Variants in TTLL11 observed in about 807,000 individuals in gnomAD.
TTLL11 encodes the protein tubulin polyglutamylase TTLL11.
TTLL11 carries 42 observed loss-of-function variants against 51.7 expected under a neutral mutation model. The ratio of observed to expected loss-of-function variants is 0.81; its 90% CI spans 0.64 to 1.05. The LOEUF (loss-of-function observed/expected upper bound fraction) is 1.05. Ranked by LOEUF, TTLL11 falls within the 50% of genes least tolerant of loss-of-function variation. The probability of loss-of-function intolerance (pLI) is 0.00; values close to 1 mark genes in which losing one functional copy is unlikely to be tolerated. For missense variants in TTLL11, 799 were observed against 940.4 expected (o/e 0.85, Z 1.97); for synonymous variants, 381 against 383.5 (o/e 0.99, Z 0.08).
intron 8 of TTLL11, among the ~76,000 whole-genome samples, chr9:121,834,114 G>T (rs2119129698): frequency 6.6e-6 from 1 of 152,266 alleles, no homozygotes; most frequent in South Asian, 2.1e-4. Flanking sequence ...TAGTGAAATG[G>T]CCCCCAGAAG....
rs114924272 is a variant in TTLL11, at chr9:121,924,795, G to A, written c.1481+49214C>T. ...TTTTTTTTTAACCTGAGCAAAAATC[G>A]TCAAGCCCAGCTACTTTTATCATCT... is the stretch of plus-strand genomic sequence containing the variant. On this transcript the variant is annotated intron_variant, in intron 6 of 8. Transcript: ENST00000321582. 6.8e-3 allele frequency among the ~76,000 whole-genome samples: 1,001 copies of A among 147,572 alleles called. 13 individuals carry two copies. The highest frequency in any genetic ancestry group is 0.024 in the African/African-American group (953 of 39,914).
At chr9:121,947,923 C>T (rs1287291222) in intron 6 of TTLL11, among the ~76,000 whole-genome samples, 2 of 152,220 alleles carry the variant, frequency 1.3e-5, no homozygotes, top group Admixed American at 1.3e-4. Context: ...CCTGGTTATG[C>T]TGGTGCCGTG....
chr9:121,997,040 TCTG>T lies in TTLL11; in HGVS notation c.694-7273_694-7271del, dbSNP rs569135591. On this transcript the variant is annotated intron_variant, in intron 3 of 8. Coordinates refer to ENST00000321582, the MANE Select transcript of TTLL11 (RefSeq NM_001139442.2). Reference sequence around the variant, plus strand: ...ACGGCTGCTCAAGGCAGCTGGTGCTTCTGCTCAGAAAACTTGAGGGGCAAGGAA... The same window carrying T: ...ACGGCTGCTCAAGGCAGCTGGTGCTTCTCAGAAAACTTGAGGGGCAAGGAA... Among the ~76,000 whole-genome samples the T allele has an allele frequency of 7.8e-4, 119 of 152,262 alleles. 1 individual carries two copies. The highest frequency in any genetic ancestry group is 1.6e-3 in the Non-Finnish European group (109 of 68,024).
rs115006221 is a variant in TTLL11, at chr9:121,863,739, C to T, written c.1734-3296G>A. Among the ~76,000 whole-genome samples, 292 of 152,320 alleles carry T rather than the reference C, an allele frequency of 1.9e-3. 3 individuals are homozygous for T. The highest frequency in any genetic ancestry group is 6.8e-3 in the African/African-American group (281 of 41,576). ...GTATGCTAGGGCTTTTCTTGCTCATCAGCTCTCTGGATTTTAACCATTCCT... is the reference window on the plus strand; with the variant it reads ...GTATGCTAGGGCTTTTCTTGCTCATTAGCTCTCTGGATTTTAACCATTCCT... On this transcript the variant is annotated intron_variant, in intron 7 of 8. Transcript: ENST00000321582.
intron 8 of TTLL11, among the ~76,000 whole-genome samples, chr9:121,841,585 G>C (rs1399130623): frequency 6.6e-6 from 1 of 152,170 alleles, no homozygotes; most frequent in African/African-American, 2.4e-5. Flanking sequence ...CCTTTCTCTA[G>C]AGGCTGCTTG....
chr9:121,860,722 C>T (rs868083256), intron 7 of TTLL11, among the ~76,000 whole-genome samples: 19 of 152,172 alleles, frequency 1.2e-4, no homozygotes, highest in South Asian at 6.2e-4. Flanking sequence ...AGAAGGCAGC[C>T]GTCTGCAAAC....
intron 2 of TTLL11, 62 bp from the exon 3 acceptor site, chr9:122,031,918 T>G (rs533897465): frequency 3.7e-4 from 579 of 1,556,354 alleles, no homozygotes; most frequent in South Asian, 4.5e-4. Flanking sequence ...AAAACAGCCA[T>G]TATTTGGGAC....
At chr9:121,886,496 C>T (rs557888815) in intron 6 of TTLL11, among the ~76,000 whole-genome samples, 11 of 152,128 alleles carry the variant, frequency 7.2e-5, no homozygotes, top group Non-Finnish European at 1.3e-4. Context: ...TGTTACCTGG[C>T]CAAGAGCTAC....
At chr9:122,075,784 A>G (rs762569791) in intron 1 of TTLL11, among the ~76,000 whole-genome samples, 4 of 152,234 alleles carry the variant, frequency 2.6e-5, no homozygotes, top group Non-Finnish European at 5.9e-5. Context: ...TATCATGGAA[A>G]GTAAACCCTT....
intron 1 of TTLL11, among the ~76,000 whole-genome samples, chr9:122,089,636 T>C (rs1029516393): frequency 3.9e-5 from 6 of 152,208 alleles, no homozygotes; most frequent in Admixed American, 6.5e-5. Flanking sequence ...TTGATGAATA[T>C]TTATTGAGCA....
At chr9:121,873,038 CCTTAAATTA>C (rs1365327298) in intron 6 of TTLL11, among the ~76,000 whole-genome samples, 1 of 152,104 alleles carries the variant, frequency 6.6e-6, no homozygotes, top group Non-Finnish European at 1.5e-5. Flanking sequence ...GGAAATTAGC[CCTTAAATTA>C]CTGGGTAAGT....
chr9:121,918,357 C>T (rs777472185), intron 6 of TTLL11, among the ~76,000 whole-genome samples: 2 of 152,140 alleles, frequency 1.3e-5, no homozygotes, highest in African/African-American at 2.4e-5. Flanking sequence ...GATTTCGATG[C>T]CACTGGAACA....
intron 1 of TTLL11, among the ~76,000 whole-genome samples, chr9:122,051,454 A>G (rs1343922912): frequency 2.0e-5 from 3 of 152,192 alleles, no homozygotes; most frequent in African/African-American, 4.8e-5. Flanking sequence ...TTTGAAACCC[A>G]GTCATACCAC....
At chr9:122,005,838 G>A (rs1271981028) in intron 3 of TTLL11, among the ~76,000 whole-genome samples, 3 of 152,276 alleles carry the variant, frequency 2.0e-5, no homozygotes, top group African/African-American at 4.8e-5. Context: ...GTTTCTCACT[G>A]TCACAATGTA....
At chr9:121,873,503 G>T (rs1267172876) in intron 6 of TTLL11, among the ~76,000 whole-genome samples, 1 of 151,238 alleles carries the variant, frequency 6.6e-6, no homozygotes, top group Non-Finnish European at 1.5e-5. Context: ...GTAGAGACAG[G>T]GTTTCACCAT....
chr9:122,015,865 T>A (rs1379675226), intron 3 of TTLL11, among the ~76,000 whole-genome samples: 1 of 149,522 alleles, frequency 6.7e-6, no homozygotes, highest in Non-Finnish European at 1.5e-5. Flanking sequence ...AATTTGCAAC[T>A]CAATTTGGCA....
At chr9:121,954,794 C>G (rs1305920017) in intron 6 of TTLL11, among the ~76,000 whole-genome samples, 2 of 152,180 alleles carry the variant, frequency 1.3e-5, no homozygotes, top group African/African-American at 4.8e-5. Flanking sequence ...TTAAAAACAA[C>G]TGGCAAAATT....
At chr9:122,022,309 T>C (rs1030551661) in intron 3 of TTLL11, among the ~76,000 whole-genome samples, 4 of 151,354 alleles carry the variant, frequency 2.6e-5, no homozygotes, top group African/African-American at 7.3e-5. Context: ...ATGAGAAATA[T>C]AAAAGAAAAT....
intron 2 of TTLL11, among the ~76,000 whole-genome samples, chr9:122,035,877 C>T (rs1844686587): frequency 6.6e-6 from 1 of 152,208 alleles, no homozygotes; most frequent in Non-Finnish European, 1.5e-5. Context: ...TCCTACTCAT[C>T]ACCCCTCCCC....
Sources: gnomAD v4.1 joint callset for allele counts (sites outside exome capture counted in the v4.1 genomes callset) on GRCh38, gnomAD v4.1.1 for gene constraint, MANE v1.5 for transcripts, NCBI Gene and HGNC (gene_info 2026-07-23, HGNC 2026-07-21) for gene names.